Variants in MYLK observed in about 807,000 individuals in gnomAD.
MYLK encodes myosin light chain kinase, also known as myosin light chain kinase, smooth muscle.
Under a neutral mutation model 203.4 loss-of-function variants are expected in MYLK, and 106 were observed. The observed-to-expected ratio is 0.52, with a 90% CI of 0.45 to 0.61. The LOEUF (loss-of-function observed/expected upper bound fraction) is 0.61. Among genes scored for constraint, MYLK ranks in the 20% least tolerant of loss-of-function variants. The pLI, the probability that MYLK is intolerant of heterozygous loss-of-function variation, is 0.00. For missense variants in MYLK, 2,072 were observed against 2,442.3 expected, an observed-to-expected ratio of 0.85 and a Z score of 3.20; for synonymous variants, 867 against 959.5, an observed-to-expected ratio of 0.90 and a Z score of 1.78.
chr3:123,777,940 T>C (rs932364343), intron 4 of MYLK, among the ~76,000 whole-genome samples: 2 of 152,158 alleles, frequency 1.3e-5, no homozygotes, highest in African/African-American at 4.8e-5. Flanking sequence ...AAGCTAATAG[T>C]CATATTTGCA....
intron 27 of MYLK, among the ~76,000 whole-genome samples, chr3:123,645,099 C>T (rs1346182321): frequency 6.6e-6 from 1 of 151,908 alleles, no homozygotes; most frequent in African/African-American, 2.4e-5. Context: ...CAAAAAAAGT[C>T]AATGTATCAT....
intron 19 of MYLK, among the ~76,000 whole-genome samples, chr3:123,690,656 A>G (rs535894401): frequency 5.9e-5 from 9 of 152,196 alleles, no homozygotes; most frequent in Non-Finnish European, 1.2e-4. Flanking sequence ...ATGCTAATAT[A>G]TCTGTAAGTA....
chr3:123,729,838 C>T (rs188838581), intron 11 of MYLK, among the ~76,000 whole-genome samples: 3 of 150,540 alleles, frequency 2.0e-5, no homozygotes, highest in East Asian at 2.0e-4. Flanking sequence ...GCTATTATCA[C>T]GCCACTGCAC....
At chr3:123,748,518 A>G (rs1443040329) in intron 5 of MYLK, among the ~76,000 whole-genome samples, 1 of 152,200 alleles carries the variant, frequency 6.6e-6, no homozygotes, top group Non-Finnish European at 1.5e-5. Context: ...ACTTGTGGCT[A>G]TTGAGCACTC....
rs544853266 is a variant in MYLK at position 123,850,179 on chromosome 3, T to C, written c.-126-18509A>G. ...TTGGGTTGGTTCCAAGTCTTTGCTA[T>C]TGTGAATAGTGTTGCAGTAAACATA... is the stretch of plus-strand genomic sequence containing the variant. On this transcript the variant is annotated intron_variant, in intron 2 of 33. Coordinates refer to ENST00000360304, the MANE Select transcript of MYLK (RefSeq NM_053025.4). Among the ~76,000 whole-genome samples, 635 of 152,354 alleles carry C rather than the reference T, an allele frequency of 4.2e-3. 6 individuals are homozygous for C. Among genetic ancestry groups the C allele is most frequent in the African/African-American group, 0.015 (612 of 41,572 alleles).
chr3:123,661,627 G>A (rs560948132), intron 23 of MYLK, among the ~76,000 whole-genome samples: 47 of 152,346 alleles, frequency 3.1e-4, no homozygotes, highest in African/African-American at 1.1e-3. Context: ...GTCAGAGGAA[G>A]GAAGACAAAG....
chr3:123,724,076 C>T (rs2062190270), intron 12 of MYLK, among the ~76,000 whole-genome samples: 2 of 149,852 alleles, frequency 1.3e-5, no homozygotes, highest in African/African-American at 4.9e-5. Context: ...GAGACAGGGT[C>T]TCACTCTTAT....
chr3:123,657,000 A>G (rs553636118), intron 24 of MYLK, 126 bp downstream of exon 24: 3 of 1,116,302 alleles, frequency 2.7e-6, no homozygotes, highest in East Asian at 4.8e-5. Flanking sequence ...AAGACCCCAA[A>G]AGACCCTGCC....
At chr3:123,673,161 CTTTTTT>C (rs761090869) in intron 20 of MYLK, among the ~76,000 whole-genome samples, 1 of 136,962 alleles carries the variant, frequency 7.3e-6, no homozygotes, top group East Asian at 2.3e-4. Flanking sequence ...TTTTTCTTTT[CTTTTTT>C]TTTTTTTTTT....
At chr3:123,665,902 G>A (rs778965100) in intron 22 of MYLK, among the ~76,000 whole-genome samples, 2 of 152,154 alleles carry the variant, frequency 1.3e-5, no homozygotes, top group Non-Finnish European at 2.9e-5. Flanking sequence ...TCACAGGCTC[G>A]ACTTTCCTGA....
At chr3:123,773,376 AAAGT>A (rs2063950974) in intron 4 of MYLK, among the ~76,000 whole-genome samples, 2 of 152,244 alleles carry the variant, frequency 1.3e-5, no homozygotes, top group African/African-American at 2.4e-5. Context: ...CAAAACTTTT[AAAGT>A]AAGGAACACG....
At chr3:123,812,944 T>C (rs2065611864) in intron 3 of MYLK, among the ~76,000 whole-genome samples, 1 of 152,176 alleles carries the variant, frequency 6.6e-6, no homozygotes, top group Non-Finnish European at 1.5e-5. Context: ...ACCCCACTTT[T>C]CTTGCAAGAT....
At chr3:123,812,294 G>T (rs2065588080) in intron 3 of MYLK, among the ~76,000 whole-genome samples, 1 of 152,204 alleles carries the variant, frequency 6.6e-6, no homozygotes, top group African/African-American at 2.4e-5. Flanking sequence ...TAAACCAAAT[G>T]AGGGGCGGTC....
chr3:123,626,907 G>T lies in MYLK; in HGVS notation c.5149C>A (p.Pro1717Thr). The T allele has an allele frequency of 6.2e-7, 1 of 1,614,198 alleles. No individual in the cohort carries two copies. The highest frequency in any genetic ancestry group is 2.2e-5 in the East Asian group (1 of 44,886). Residue 1717 changes from proline (P) to threonine (T), a missense_variant, in exon 31 of 34, where the codon CCA becomes ACA. Pro to Thr is a conservative substitution (Grantham distance 38). Around this residue, in one of 3 missense-constraint regions of MYLK, gnomAD observed 524 missense variants for 782.4 expected, o/e 0.67. Transcript: ENST00000360304. ...TTCTTGGTATCTTTCATTAGCCATGGATGCTGAAGGCACTGCGTGCAGTCC... is the reference window on the plus strand; with the variant it reads ...TTCTTGGTATCTTTCATTAGCCATGTATGCTGAAGGCACTGCGTGCAGTCC... ...RLDCTQCLQH[P>T]WLMKDTKNME...
intron 32 of MYLK, among the ~76,000 whole-genome samples, chr3:123,619,859 GC>G (rs2057746045): frequency 6.6e-6 from 1 of 152,018 alleles, no homozygotes; most frequent in African/African-American, 2.4e-5. Flanking sequence ...TGTTATTTTT[GC>G]CTATTAATAT....
intron 19 of MYLK, among the ~76,000 whole-genome samples, chr3:123,687,604 C>CTACCTTCA: frequency 4.6e-5 from 7 of 151,622 alleles, no homozygotes; most frequent in East Asian, 3.9e-4. Context: ...TCCTTCCTTC[C>CTACCTTCA]TTCCTACCTT....
At chr3:123,759,376 C>T (rs1471842826) in intron 4 of MYLK, among the ~76,000 whole-genome samples, 6 of 152,214 alleles carry the variant, frequency 3.9e-5, no homozygotes, top group Admixed American at 6.5e-5. Flanking sequence ...GATCACTCTT[C>T]TGTGGCAGCT....
At chr3:123,741,853 T>C (rs2062865817) in intron 5 of MYLK, among the ~76,000 whole-genome samples, 1 of 152,214 alleles carries the variant, frequency 6.6e-6, no homozygotes, top group Non-Finnish European at 1.5e-5. Flanking sequence ...AGGTACATGT[T>C]AGGATATTAT....
chr3:123,614,689 C>A (rs1393983660), intron 33 of MYLK, among the ~76,000 whole-genome samples: 1 of 152,132 alleles, frequency 6.6e-6, no homozygotes, highest in African/African-American at 2.4e-5. Flanking sequence ...AGTGTAGTGG[C>A]ATGATCGTAG....
Sources: allele counts gnomAD v4.1 joint callset (sites outside exome capture counted in the v4.1 genomes callset), GRCh38; gene constraint gnomAD v4.1.1; regional missense constraint gnomAD v4.1.1; transcripts MANE v1.5; gene names NCBI Gene and HGNC (gene_info 2026-07-23, HGNC 2026-07-21).